Variants in NT5DC4 observed in about 807,000 individuals in gnomAD.
NT5DC4 encodes the protein 5'-nucleotidase domain containing 4, also known as 5'-nucleotidase domain-containing protein 4.
In NT5DC4, 44 loss-of-function variants were observed where a neutral mutation model predicts 26.6. The observed-to-expected ratio is 1.65, with a 90% CI of 1.30 to 2.13. NT5DC4 has a LOEUF of 2.13. Ranked by LOEUF, NT5DC4 falls within the 30% of genes most tolerant of loss-of-function variation. The pLI, the probability that NT5DC4 is intolerant of heterozygous loss-of-function variation, is 0.00. For missense variants in NT5DC4, 399 were observed against 228.1 expected (o/e 1.75, Z -4.83); for synonymous variants, 157 against 86.7 (o/e 1.81, Z -4.51).
At chr2:112,734,470 T>TATC (rs1678846365) in intron 16 of NT5DC4, among the ~76,000 whole-genome samples, 1 of 152,172 alleles carries the variant, frequency 6.6e-6, no homozygotes, top group Non-Finnish European at 1.5e-5. Flanking sequence ...TTTCTATCTT[T>TATC]ATCTTTTCAG....
chr2:112,737,998 C>G (rs962003802), intron 16 of NT5DC4: 1 of 152,154 alleles, frequency 6.6e-6, no homozygotes. Flanking sequence ...AACCTTTCCA[C>G]AAATAGTTGC....
upstream of NT5DC4, among the ~76,000 whole-genome samples, chr2:112,719,783 C>T (rs1488567173): frequency 1.3e-5 from 2 of 150,838 alleles, no homozygotes; most frequent in Non-Finnish European, 3.0e-5. Flanking sequence ...TGCGCCAGGC[C>T]CTTTTCTTTC....
intron 16 of NT5DC4, among the ~76,000 whole-genome samples, chr2:112,733,802 G>A (rs55762606): frequency 0.4 from 61,031 of 152,082 alleles, 14,773 homozygotes; most frequent in East Asian, 0.69. Flanking sequence ...AACAGAAGCA[G>A]CATCTCTGTG....
At chr2:112,719,626 C>T (rs1379228108), upstream of NT5DC4, among the ~76,000 whole-genome samples, 1 of 151,344 alleles carries the variant, frequency 6.6e-6, no homozygotes, top group African/African-American at 2.4e-5. Flanking sequence ...GCTGGGATTA[C>T]AGGCATGCGC....
intron 15 of NT5DC4, among the ~76,000 whole-genome samples, chr2:112,728,621 G>A (rs1326367854): frequency 6.6e-6 from 1 of 152,224 alleles, no homozygotes; most frequent in East Asian, 1.9e-4. Context: ...CTTCCCTGCT[G>A]CCCTTGGCTG....
At chr2:112,731,273 T>TAG (rs1006390698) in intron 16 of NT5DC4, 1 of 152,014 alleles carries the variant, frequency 6.6e-6, no homozygotes, top group African/African-American at 2.4e-5. Flanking sequence ...ACACTTCTTT[T>TAG]AGGGAGGAGG....
In NT5DC4 at chr2:112,721,897, G is replaced by A; in HGVS notation, c.148+6G>A. 1 of 717,422 alleles carries A rather than the reference G, an allele frequency of 1.4e-6. No homozygotes were observed. 44.4% of individuals were successfully genotyped at this position (717,422 alleles called of 1,614,324 possible). A position where few individuals can be genotyped will look rare whatever the true frequency, so the allele number is the denominator to read the frequency against. On this transcript the variant is annotated splice_donor_region_variant and intron_variant, in intron 2 of 16. Coordinates refer to ENST00000688554, the MANE Select transcript of NT5DC4 (RefSeq NM_001393655.1). ...CATGGACTACACTCTGGCTGGTAGA[G>A]AGGGCTGGAACACAGCGTATTGGGA...
intron 3 of NT5DC4, 28 bp from the exon 4 acceptor site, chr2:112,722,155 A>G (rs1676958207): frequency 1.6e-6 from 1 of 623,934 alleles, no homozygotes; most frequent in South Asian, 1.6e-5. Flanking sequence ...ACCCCCACCC[A>G]CAGTGCCCCC....
chr2:112,721,705 A>G (rs780420205), intron 1 of NT5DC4, 113 bp from the exon 2 acceptor site: 43 of 714,912 alleles, frequency 6.0e-5, no homozygotes, highest in Non-Finnish European at 9.9e-5. Flanking sequence ...TGCTTTCTGC[A>G]GCTGCAGGGG....
chr2:112,737,332 T>G (rs886766436), intron 16 of NT5DC4: 1 of 152,234 alleles, frequency 6.6e-6, no homozygotes, highest in African/African-American at 2.4e-5. Flanking sequence ...TGCCCCAGTC[T>G]ACACGCCCAC....
intron 9 of NT5DC4, 67 bp downstream of exon 9, chr2:112,723,869 G>A: frequency 1.5e-6 from 1 of 667,462 alleles, no homozygotes; most frequent in East Asian, 3.7e-5. Context: ...CAGTGGCACT[G>A]CAAGCAACAG....
chr2:112,725,503 G>A lies in NT5DC4; in HGVS notation c.1104G>A (p.Leu368=). 1.4e-6 allele frequency: 1 copy of A among 716,906 alleles called. No homozygotes were observed. The highest frequency in any genetic ancestry group is 2.6e-6 in the Non-Finnish European group (1 of 384,840). 44.4% of individuals were successfully genotyped at this position (716,906 alleles called of 1,614,324 possible). A position where few individuals can be genotyped will look rare whatever the true frequency, so the allele number is the denominator to read the frequency against. The change falls in exon 13 of 17, where the codon CTG becomes CTA. Residue 368 remains leucine, a synonymous_variant. Transcript: ENST00000688554. Reference sequence around the variant, plus strand: ...AGCGTCAGGGCTGGCGGACTTGCCTGGTGGTTCCTGAGCTGTCCTGGGAGC... The same window carrying A: ...AGCGTCAGGGCTGGCGGACTTGCCTAGTGGTTCCTGAGCTGTCCTGGGAGC... ...SKKRQGWRTC[L]VVPELSWELD...
Position 112,723,830 on chromosome 2 carries a change from G to A in NT5DC4, c.756+28G>A, listed in dbSNP as rs758021728. ...GAGTATGTGTATGGAGGGGTGGACC[G>A]TCGGCCTCCTTCCTGGCCCCAGGGG... On this transcript the variant is annotated intron_variant, in intron 9 of 16. Transcript: ENST00000688554. 1.5e-4 allele frequency: 104 copies of A among 716,080 alleles called. 1 individual carries two copies. Among genetic ancestry groups the A allele is most frequent in the South Asian group, 1.2e-3 (79 of 67,470 alleles). 44.4% of individuals were successfully genotyped at this position (716,080 alleles called of 1,614,324 possible). A position where few individuals can be genotyped will look rare whatever the true frequency, so the allele number is the denominator to read the frequency against.
intron 8 of NT5DC4, 51 bp downstream of exon 8, chr2:112,723,519 G>C (rs1269597661): frequency 1.1e-5 from 8 of 713,428 alleles, no homozygotes; most frequent in Non-Finnish European, 1.8e-5. Flanking sequence ...AAGCAGCAGG[G>C]CTGCCCCCGC....
chr2:112,732,818 G>GCTCTCCC (rs1678639873), intron 16 of NT5DC4, among the ~76,000 whole-genome samples: 1 of 152,026 alleles, frequency 6.6e-6, no homozygotes, highest in African/African-American at 2.4e-5. Flanking sequence ...TGTTACCTCC[G>GCTCTCCC]CTCTCCCCTC....
chr2:112,733,109 A>G (rs1678674838), intron 16 of NT5DC4, among the ~76,000 whole-genome samples: 1 of 152,088 alleles, frequency 6.6e-6, no homozygotes, highest in Admixed American at 6.6e-5. Context: ...GAAAGTGGAG[A>G]AAGGATATAG....
downstream of NT5DC4, chr2:112,739,100 C>T: frequency 7.4e-7 from 1 of 1,359,880 alleles, no homozygotes; most frequent in African/African-American, 1.5e-5. Flanking sequence ...AAAAAATTAT[C>T]TTTATTATTT....
At chr2:112,735,029 G>T (rs1678934479) in intron 16 of NT5DC4, among the ~76,000 whole-genome samples, 1 of 141,724 alleles carries the variant, frequency 7.1e-6, no homozygotes, top group Non-Finnish European at 1.5e-5. Flanking sequence ...ATGCCAGGGA[G>T]GCAAGAACAT....
chr2:112,723,016 C>T lies in NT5DC4; in HGVS notation c.528-65C>T, dbSNP rs1677142570. ...CTGGTGGGGTTGCTCTGGTGTGGGA[C>T]TCAGGGTTGGAGGTCATTTCAGGCC... is the stretch of plus-strand genomic sequence containing the variant. On this transcript the variant is annotated intron_variant, in intron 6 of 16. Transcript: ENST00000688554. 7.8e-6 allele frequency: 4 copies of T among 512,094 alleles called. No homozygotes were observed. In the East Asian group the frequency reaches 1.0e-4, roughly 13 times the overall value. The allele number at this position is 512,094 out of a possible 1,614,324, so 31.7% of individuals were successfully genotyped here.
Sources: gnomAD v4.1 joint callset for allele counts (sites outside exome capture counted in the v4.1 genomes callset) on GRCh38, gnomAD v4.1.1 for gene constraint, MANE v1.5 for transcripts, NCBI Gene and HGNC (gene_info 2026-07-23, HGNC 2026-07-21) for gene names.